The following GRAMD2B variants were observed in gnomAD, a reference collection of about 807,000 sequenced individuals.
The protein encoded by GRAMD2B is GRAM domain-containing protein 2B.
Under a neutral mutation model 59.2 loss-of-function variants are expected in GRAMD2B, and 41 were observed. That is an observed-to-expected ratio of 0.69 (90% CI 0.54 to 0.90). GRAMD2B has a LOEUF of 0.90. GRAMD2B is among the 40% of genes least tolerant of loss of function. The probability of loss-of-function intolerance (pLI) is 0.00; values close to 1 mark genes in which losing one functional copy is unlikely to be tolerated. For synonymous variants in GRAMD2B, 161 were observed against 182.7 expected (o/e 0.88, Z 0.96); for missense variants, 424 against 500.5 (o/e 0.85, Z 1.46).
intron 13 of GRAMD2B, among the ~76,000 whole-genome samples, chr5:126,490,593 A>C (rs73785325): frequency 1.3e-5 from 2 of 152,192 alleles, no homozygotes; most frequent in Admixed American, 1.3e-4. Flanking sequence ...AGTTGCACAC[A>C]TTGCTCAAAA....
chr5:126,458,089 T>C (rs921854373), intron 1 of GRAMD2B, among the ~76,000 whole-genome samples: 1 of 152,170 alleles, frequency 6.6e-6, no homozygotes, highest in Non-Finnish European at 1.5e-5. Context: ...CTTTCAGACT[T>C]CAAGTTTTCT....
At chr5:126,427,245 A>G (rs1188732491) in intron 1 of GRAMD2B, among the ~76,000 whole-genome samples, 1 of 152,184 alleles carries the variant, frequency 6.6e-6, no homozygotes, top group Non-Finnish European at 1.5e-5. Context: ...ATTTCTCCTA[A>G]TGCAATCCCT....
Position 126,467,198 on chromosome 5 carries a change from C to T in GRAMD2B, c.203+1653C>T, listed in dbSNP as rs947049120. Among the ~76,000 whole-genome samples, 4 of 152,138 alleles carry T rather than the reference C, an allele frequency of 2.6e-5. No individual in the cohort carries two copies. The South Asian group carries it at 6.2e-4, about 24-fold the overall frequency. On this transcript the variant is annotated intron_variant, in intron 2 of 13. Transcript: ENST00000285689. ...GCTGAGGCAGAAGAATCGCTTGAAC[C>T]CAGAAAGTGGAGGTTGCAGTAAGCC...
At chr5:126,408,821 T>C (rs1758496335) in intron 1 of GRAMD2B, among the ~76,000 whole-genome samples, 1 of 143,552 alleles carries the variant, frequency 7.0e-6, no homozygotes, top group Non-Finnish European at 1.5e-5. Flanking sequence ...GTATATCTCC[T>C]AATGCTATCC....
At chr5:126,437,614 A>G (rs1762620231) in intron 1 of GRAMD2B, among the ~76,000 whole-genome samples, 1 of 152,238 alleles carries the variant, frequency 6.6e-6, no homozygotes, top group Admixed American at 6.5e-5. Flanking sequence ...GGAAGAGGCC[A>G]CAAAAGGTGA....
In GRAMD2B at chr5:126,493,087, G is replaced by T; in HGVS notation, c.*131G>T. 1.5e-6 allele frequency: 1 copy of T among 669,320 alleles called. No individual in the cohort carries two copies. Among genetic ancestry groups the T allele is most frequent in the South Asian group, 1.8e-5 (1 of 54,334 alleles). 41.5% of individuals were successfully genotyped at this position (669,320 alleles called of 1,614,324 possible). On this transcript the variant is annotated 3_prime_UTR_variant, in exon 14 of 14. Transcript: ENST00000285689. The stretch of plus-strand genomic sequence containing the variant: ...AGATGAGAATCCAGACATTGCATGT[G>T]GAGGTCTCCAGCTCAGGAAAGTGAG...
chr5:126,419,394 A>T (rs982035930), upstream of GRAMD2B, among the ~76,000 whole-genome samples: 3 of 152,042 alleles, frequency 2.0e-5, no homozygotes, highest in Non-Finnish European at 2.9e-5. Flanking sequence ...TCTCATGAGA[A>T]CTCTATCACA....
chr5:126,457,008 C>G (rs6859271), intron 1 of GRAMD2B, among the ~76,000 whole-genome samples: 3 of 150,918 alleles, frequency 2.0e-5, no homozygotes, highest in Non-Finnish European at 3.0e-5. Flanking sequence ...CTGGCTAACA[C>G]GGTGAAACCC....
chr5:126,401,448 C>A (rs1052055488), intron 1 of GRAMD2B, among the ~76,000 whole-genome samples: 2 of 152,022 alleles, frequency 1.3e-5, no homozygotes, highest in African/African-American at 4.8e-5. Context: ...GTCTCCATTT[C>A]TTTGGGTTCA....
Position 126,493,321 on chromosome 5 carries a change from C to G in GRAMD2B, c.*365C>G, listed in dbSNP as rs934265851. The G allele has an allele frequency of 2.2e-5, 5 of 226,470 alleles. No individual in the cohort carries two copies. The highest frequency in any genetic ancestry group is 1.5e-3 in the Middle Eastern group (1 of 650). 14.0% of individuals were successfully genotyped at this position (226,470 alleles called of 1,614,324 possible). ...GTCCTTCCCGCCCTCCTGCCTCTCCCTTACACCCCTCTTAACGACTTTCAA... is the reference window on the plus strand; with the variant it reads ...GTCCTTCCCGCCCTCCTGCCTCTCCGTTACACCCCTCTTAACGACTTTCAA... On this transcript the variant is annotated 3_prime_UTR_variant, in exon 14 of 14. Coordinates refer to ENST00000285689, the MANE Select transcript of GRAMD2B (RefSeq NM_023927.4).
At chr5:126,383,814 A>G (rs1212022988) in intron 1 of GRAMD2B, among the ~76,000 whole-genome samples, 1 of 152,162 alleles carries the variant, frequency 6.6e-6, no homozygotes, top group Non-Finnish European at 1.5e-5. Context: ...CCATTTCTTT[A>G]TCTCACTCAG....
chr5:126,419,940 A>G (rs1759583378), upstream of GRAMD2B, among the ~76,000 whole-genome samples: 1 of 151,640 alleles, frequency 6.6e-6, no homozygotes, highest in South Asian at 2.1e-4. Context: ...CTGTAGTCCC[A>G]GCTACTCGAG....
intron 1 of GRAMD2B, among the ~76,000 whole-genome samples, chr5:126,416,052 G>A (rs1254660187): frequency 6.6e-6 from 1 of 152,212 alleles, no homozygotes; most frequent in African/African-American, 2.4e-5. Context: ...AATATTGATG[G>A]TGTGATCATT....
chr5:126,403,287 T>C (rs1050913933), intron 1 of GRAMD2B, among the ~76,000 whole-genome samples: 1 of 152,000 alleles, frequency 6.6e-6, no homozygotes, highest in African/African-American at 2.4e-5. Flanking sequence ...GTTAAAACAG[T>C]AGAATTTGCA....
At chr5:126,489,304 G>C (rs1426083244) in intron 13 of GRAMD2B, among the ~76,000 whole-genome samples, 3 of 152,166 alleles carry the variant, frequency 2.0e-5, no homozygotes, top group Non-Finnish European at 4.4e-5. Context: ...GTAAAATATT[G>C]CATGTAAGTC....
At chr5:126,457,638 A>G (rs1458932890) in intron 1 of GRAMD2B, among the ~76,000 whole-genome samples, 1 of 152,062 alleles carries the variant, frequency 6.6e-6, no homozygotes, top group Non-Finnish European at 1.5e-5. Context: ...CTCGGGGGGA[A>G]AAAAATTGTA....
chr5:126,468,774 C>A (rs1203377666), intron 2 of GRAMD2B, among the ~76,000 whole-genome samples: 1 of 152,148 alleles, frequency 6.6e-6, no homozygotes, highest in Non-Finnish European at 1.5e-5. Flanking sequence ...AGGCATGAGC[C>A]ACTGTGCCCG....
At chr5:126,476,156 C>T (rs753077365) in intron 5 of GRAMD2B, among the ~76,000 whole-genome samples, 1 of 152,056 alleles carries the variant, frequency 6.6e-6, no homozygotes, top group Non-Finnish European at 1.5e-5. Flanking sequence ...GCCTGTAATC[C>T]CAGCTACTCA....
chr5:126,397,683 T>C (rs948833877), intron 1 of GRAMD2B, among the ~76,000 whole-genome samples: 14 of 152,348 alleles, frequency 9.2e-5, no homozygotes, highest in African/African-American at 3.4e-4. Context: ...CATTTATTGA[T>C]TTGCATATGT....
Sources: allele counts gnomAD v4.1 joint callset (sites outside exome capture counted in the v4.1 genomes callset), GRCh38; gene constraint gnomAD v4.1.1; transcripts MANE v1.5; gene names NCBI Gene and HGNC (gene_info 2026-07-23, HGNC 2026-07-21).